Variants in PCDHA8 observed in about 807,000 individuals in gnomAD.
PCDHA8 encodes the protein protocadherin alpha 8.
In PCDHA8, 53 loss-of-function variants were observed where a neutral mutation model predicts 61.8. That is an observed-to-expected ratio of 0.86 (90% CI 0.69 to 1.08). The LOEUF is 1.08. Among genes scored for constraint, PCDHA8 ranks in the 50% least tolerant of loss-of-function variants. PCDHA8 has a pLI of 0.00. For missense variants in PCDHA8, 1,293 were observed against 1,245.0 expected, an observed-to-expected ratio of 1.04 and a Z score of -0.58; for synonymous variants, 618 against 556.6, an observed-to-expected ratio of 1.11 and a Z score of -1.55.
chr5:140,860,129 G>GTGTGTATATATATGTATATA (rs1554153065), intron 1 of PCDHA8: 1 of 150,592 alleles, frequency 6.6e-6, no homozygotes, highest in Non-Finnish European at 1.5e-5. Context: ...TACTGTGTGT[G>GTGTGTATATATATGTATATA]TGTGTATATA....
chr5:140,934,429 T>C (rs1480259267), intron 1 of PCDHA8, among the ~76,000 whole-genome samples: 1 of 152,194 alleles, frequency 6.6e-6, no homozygotes, highest in African/African-American at 2.4e-5. Context: ...TCAATGCAAG[T>C]GTAAATATAG....
chr5:140,906,076 C>T (rs541119722), intron 1 of PCDHA8, among the ~76,000 whole-genome samples: 2 of 152,326 alleles, frequency 1.3e-5, no homozygotes, highest in African/African-American at 4.8e-5. Context: ...AGATCGCACC[C>T]ACCCAGACTG....
At chr5:140,896,116 A>G (rs2065393833) in intron 1 of PCDHA8, among the ~76,000 whole-genome samples, 1 of 152,044 alleles carries the variant, frequency 6.6e-6, no homozygotes, top group Admixed American at 6.6e-5. Context: ...TGGCCAATGT[A>G]CTGCATTTTA....
chr5:140,862,343 A>G (rs1347322739), intron 1 of PCDHA8: 1 of 331,934 alleles, frequency 3.0e-6, no homozygotes, highest in Non-Finnish European at 5.9e-6. Flanking sequence ...CCCTAACTTC[A>G]GTGCCAAGGG....
chr5:140,869,175 G>A, intron 1 of PCDHA8: 1 of 1,613,976 alleles, frequency 6.2e-7, no homozygotes, highest in East Asian at 2.2e-5. Context: ...TCGAATTCTG[G>A]GAGGTGGGGA....
chr5:140,918,502 C>A (rs1480204800), intron 1 of PCDHA8, among the ~76,000 whole-genome samples: 1 of 152,040 alleles, frequency 6.6e-6, no homozygotes, highest in Non-Finnish European at 1.5e-5. Context: ...TGGTACCAAT[C>A]CTTTTAAACT....
chr5:140,857,626 G>A (rs536509917), intron 1 of PCDHA8: 1 of 1,596,672 alleles, frequency 6.3e-7, no homozygotes, highest in South Asian at 1.1e-5. Context: ...ACCACGAGGA[G>A]CTGGAGCTGC....
chr5:140,904,555 CT>C (rs569725486), intron 1 of PCDHA8, among the ~76,000 whole-genome samples: 14 of 151,628 alleles, frequency 9.2e-5, no homozygotes, highest in Non-Finnish European at 1.8e-4. Context: ...CATATAATGA[CT>C]TTTTTTTCCT....
chr5:140,921,131 C>A (rs532456439), intron 1 of PCDHA8, among the ~76,000 whole-genome samples: 1 of 133,054 alleles, frequency 7.5e-6, no homozygotes, highest in East Asian at 2.3e-4. Flanking sequence ...CAGGTGCACA[C>A]CACTACACCC....
At chr5:141,009,568 G>A in intron 3 of PCDHA8, 59 bp from the exon 4 acceptor site, 4 of 1,577,106 alleles carry the variant, frequency 2.5e-6, no homozygotes, top group Non-Finnish European at 3.4e-6. Context: ...TCTACCAGCA[G>A]TGTGGCATCA....
At chr5:140,938,727 G>GA (rs2092176789) in intron 1 of PCDHA8, among the ~76,000 whole-genome samples, 1 of 151,904 alleles carries the variant, frequency 6.6e-6, no homozygotes, top group South Asian at 2.1e-4. Flanking sequence ...CGTTTCTACA[G>GA]AAAAAAATAA....
chr5:140,883,302 A>G, intron 1 of PCDHA8: 1 of 1,614,110 alleles, frequency 6.2e-7, no homozygotes, highest in Non-Finnish European at 8.5e-7. Flanking sequence ...GATGTAAATG[A>G]TAACGCCCCA....
intron 1 of PCDHA8, chr5:140,862,120 A>G (rs898970647): frequency 2.5e-5 from 4 of 161,592 alleles, no homozygotes; most frequent in African/African-American, 7.2e-5. Flanking sequence ...GGATAAATAA[A>G]TGTAAAGATA....
At chr5:140,875,648 T>C in intron 1 of PCDHA8, 1 of 1,613,728 alleles carries the variant, frequency 6.2e-7, no homozygotes, top group Non-Finnish European at 8.5e-7. Flanking sequence ...CTGGCGGAGC[T>C]GGTGCCGCGC....
intron 1 of PCDHA8, chr5:140,857,507 G>A (rs782043318): frequency 1.3e-6 from 2 of 1,598,186 alleles, no homozygotes; most frequent in South Asian, 1.1e-5. Context: ...GCAGGAGAAC[G>A]CCCTGGTGTC....
intron 1 of PCDHA8, among the ~76,000 whole-genome samples, chr5:140,919,536 C>A (rs1554199151): frequency 6.6e-6 from 1 of 151,864 alleles, no homozygotes; most frequent in Admixed American, 6.6e-5. Context: ...TTTTCCTATA[C>A]TTTTCATTTA....
chr5:140,965,664 A>G (rs931573016), intron 1 of PCDHA8, among the ~76,000 whole-genome samples: 2 of 152,254 alleles, frequency 1.3e-5, no homozygotes, highest in Non-Finnish European at 2.9e-5. Flanking sequence ...GTCTTGGGTG[A>G]TAAATGTAAA....
At chr5:140,972,275 G>A (rs548735122) in intron 1 of PCDHA8, among the ~76,000 whole-genome samples, 1 of 150,974 alleles carries the variant, frequency 6.6e-6, no homozygotes, top group African/African-American at 2.4e-5. Flanking sequence ...GAGTAGCTTG[G>A]ACCATAGATG....
intron 1 of PCDHA8, chr5:140,928,757 G>A (rs372744198): frequency 6.2e-7 from 1 of 1,613,974 alleles, no homozygotes; most frequent in African/African-American, 1.3e-5. Flanking sequence ...CGTACTGCTC[G>A]CTTAGTTCTT....
Sources: gnomAD v4.1 joint callset for allele counts (sites outside exome capture counted in the v4.1 genomes callset) on GRCh38, gnomAD v4.1.1 for gene constraint, MANE v1.5 for transcripts, NCBI Gene and HGNC (gene_info 2026-07-23, HGNC 2026-07-21) for gene names.